Variants in TCF12 observed in about 807,000 individuals in gnomAD.
TCF12 encodes DNA-binding protein HTF4.
TCF12 carries 45 observed loss-of-function variants against 86.0 expected under a neutral mutation model. The ratio of observed to expected loss-of-function variants is 0.52; its 90% CI spans 0.41 to 0.67. The LOEUF (loss-of-function observed/expected upper bound fraction) is 0.67. TCF12 is among the 30% of genes least tolerant of loss of function. The pLI, the probability that TCF12 is intolerant of heterozygous loss-of-function variation, is 0.00. For synonymous variants in TCF12, 330 were observed against 299.6 expected (o/e 1.10, Z -1.05); for missense variants, 881 against 859.9 (o/e 1.02, Z -0.31).
chr15:57,129,623 A>G (rs1224756296), intron 5 of TCF12, among the ~76,000 whole-genome samples: 2 of 152,178 alleles, frequency 1.3e-5, no homozygotes, highest in African/African-American at 4.8e-5. Flanking sequence ...AAACTCTGAG[A>G]CTTAGTGATT....
intron 5 of TCF12, among the ~76,000 whole-genome samples, chr15:57,140,261 A>G (rs1036063521): frequency 6.6e-6 from 1 of 152,238 alleles, no homozygotes; most frequent in Non-Finnish European, 1.5e-5. Flanking sequence ...TATAACATGG[A>G]TGGATCTTGA....
At chr15:56,919,713 G>A (rs893768607) in intron 1 of TCF12, 179 bp from the exon 2 acceptor site, 2 of 451,148 alleles carry the variant, frequency 4.4e-6, no homozygotes, top group Non-Finnish European at 7.8e-6. Flanking sequence ...TCCGGGACCC[G>A]GCGCGGGCAC....
intron 3 of TCF12, among the ~76,000 whole-genome samples, chr15:56,950,636 T>C (rs1407773959): frequency 6.6e-6 from 1 of 152,190 alleles, no homozygotes; most frequent in Admixed American, 6.5e-5. Flanking sequence ...TTTATTCTTA[T>C]TTCTTAATTG....
chr15:57,034,087 G>A (rs2066360488), intron 3 of TCF12, among the ~76,000 whole-genome samples: 1 of 152,168 alleles, frequency 6.6e-6, no homozygotes, highest in Admixed American at 6.6e-5. Flanking sequence ...TATAGTACCT[G>A]TTTGGATTTG....
At chr15:57,092,530 C>G (rs2169469) in intron 5 of TCF12, among the ~76,000 whole-genome samples, 2,214 of 152,196 alleles carry the variant, frequency 0.015, 55 homozygotes, top group African/African-American at 0.05. Context: ...TTCTCCTTCT[C>G]TGTCTCAAAT....
chr15:57,032,410 G>A (rs188733425), intron 3 of TCF12, among the ~76,000 whole-genome samples: 69 of 152,290 alleles, frequency 4.5e-4, no homozygotes, highest in Admixed American at 2.9e-3. Context: ...TAGGATTTAA[G>A]AATATTCTGA....
At chr15:56,950,406 A>G (rs1282852191) in intron 3 of TCF12, among the ~76,000 whole-genome samples, 2 of 151,982 alleles carry the variant, frequency 1.3e-5, no homozygotes, top group Non-Finnish European at 2.9e-5. Context: ...TTGCATTTTT[A>G]GTAGAGACGA....
intron 8 of TCF12, among the ~76,000 whole-genome samples, chr15:57,207,723 A>C (rs565813629): frequency 1.3e-5 from 2 of 152,334 alleles, no homozygotes; most frequent in African/African-American, 4.8e-5. Context: ...GAAAACTTCA[A>C]GTTTTCTGAC....
intron 5 of TCF12, among the ~76,000 whole-genome samples, chr15:57,156,781 G>A (rs1202665462): frequency 6.6e-6 from 1 of 152,160 alleles, no homozygotes; most frequent in East Asian, 1.9e-4. Context: ...ACCTTGCCTG[G>A]TAAGGTCATG....
chr15:57,075,046 A>C (rs1596399740), intron 4 of TCF12, among the ~76,000 whole-genome samples: 1 of 152,344 alleles, frequency 6.6e-6, no homozygotes, highest in East Asian at 1.9e-4. Context: ...TTATAAAATG[A>C]AATAATTATT....
At chr15:57,203,990 G>A (rs2057686621) in intron 8 of TCF12, among the ~76,000 whole-genome samples, 2 of 149,954 alleles carry the variant, frequency 1.3e-5, no homozygotes, top group Non-Finnish European at 3.0e-5. Context: ...GGAAGAGTCT[G>A]CCTGCAAATA....
rs1327641020 is a variant in TCF12, at chr15:57,246,072, G to A, written c.1114+2522G>A. On this transcript the variant is annotated intron_variant, in intron 13 of 20. Transcript: ENST00000333725. ...AACCAGAGCTCCTATATAAATATGT[G>A]GACATTATTTTGCATCTTGTGTGGC... Among the ~76,000 whole-genome samples, 3 of 152,032 alleles carry A rather than the reference G, an allele frequency of 2.0e-5. No individual in the cohort carries two copies. In the East Asian group the frequency reaches 5.8e-4, roughly 29 times the overall value.
chr15:57,220,303 A>G (rs2058530617), intron 8 of TCF12, among the ~76,000 whole-genome samples: 1 of 152,212 alleles, frequency 6.6e-6, no homozygotes, highest in African/African-American at 2.4e-5. Flanking sequence ...GGAAAAGATG[A>G]AAGTCATCTA....
At chr15:57,282,390 G>T in intron 19 of TCF12, 55 bp from the exon 20 acceptor site, 1 of 1,605,808 alleles carries the variant, frequency 6.2e-7, no homozygotes, top group South Asian at 1.1e-5. Context: ...TTCAGCTTGA[G>T]ACCTAATTCA....
At chr15:56,926,232 G>T (rs1159455260) in intron 3 of TCF12, among the ~76,000 whole-genome samples, 2 of 151,460 alleles carry the variant, frequency 1.3e-5, no homozygotes, top group African/African-American at 4.9e-5. Context: ...AGAATTGCTT[G>T]AACCCAGGAG....
intron 5 of TCF12, among the ~76,000 whole-genome samples, chr15:57,160,532 T>G (rs1187225467): frequency 3.3e-5 from 5 of 152,230 alleles, no homozygotes. Flanking sequence ...GTATTTTTAG[T>G]AAATATATAT....
rs1461514777 is a variant in TCF12, at chr15:57,075,804, T to TTCTTTCTTTCTTTCTCTCTC, written c.222+11984_222+11985insTTCTTTCTTTCTCTCTCTCT. On this transcript the variant is annotated intron_variant, in intron 4 of 20. Coordinates refer to ENST00000333725, the MANE Select transcript of TCF12 (RefSeq NM_207037.2). ...TTTCTTTCTTTCTTTCTTTCTTTCT[T>TTCTTTCTTTCTTTCTCTCTC]TCTCTCTCTCTCTCTCTCTCTCTCT... is the stretch of plus-strand genomic sequence containing the variant. Among the ~76,000 whole-genome samples the TTCTTTCTTTCTTTCTCTCTC allele has an allele frequency of 6.6e-4, 19 of 28,598 alleles. 1 individual carries two copies. Among genetic ancestry groups the TTCTTTCTTTCTTTCTCTCTC allele is most frequent in the South Asian group, 4.2e-3 (2 of 480 alleles). The allele number at this position is 28,598 out of a possible 152,430, so 18.8% of individuals were successfully genotyped here.
intron 3 of TCF12, among the ~76,000 whole-genome samples, chr15:56,989,815 A>G (rs1043569352): frequency 2.0e-4 from 31 of 152,256 alleles, no homozygotes; most frequent in African/African-American, 6.5e-4. Flanking sequence ...TGGGTGTGAT[A>G]TTAGGAGATG....
At position 57,026,930 on chromosome 15, in the gene TCF12, G is replaced by T. The variant is rs116863538; in HGVS notation, c.149-36820G>T. 4.1e-3 allele frequency among the ~76,000 whole-genome samples: 622 copies of T among 152,162 alleles called. 8 individuals are homozygous for T. The highest frequency in any genetic ancestry group is 0.021 in the Admixed American group (319 of 15,294). ...TACATATAATACCTAATACCATGTA[G>T]ATGCTATGTAAATAGTTGTTATACT... On this transcript the variant is annotated intron_variant, in intron 3 of 20. Transcript: ENST00000333725.
Sources: gnomAD v4.1 joint callset for allele counts (sites outside exome capture counted in the v4.1 genomes callset) on GRCh38, gnomAD v4.1.1 for gene constraint, MANE v1.5 for transcripts, NCBI Gene and HGNC (gene_info 2026-07-23, HGNC 2026-07-21) for gene names.